Variants in KLF12 observed in about 807,000 individuals in gnomAD.
KLF12 encodes Krueppel-like factor 12.
KLF12 carries 9 observed loss-of-function variants against 37.8 expected under a neutral mutation model. The observed-to-expected ratio is 0.24, with a 90% CI of 0.14 to 0.42. The LOEUF is 0.42. Among genes scored for constraint, KLF12 ranks in the 10% least tolerant of loss-of-function variants. The pLI is 1.00. For synonymous variants in KLF12, 208 were observed against 202.1 expected (o/e 1.03, Z -0.25); for missense variants, 411 against 516.0 (o/e 0.80, Z 1.97).
chr13:74,020,846 A>T (rs1043126896), intron 1 of KLF12, among the ~76,000 whole-genome samples: 3 of 150,938 alleles, frequency 2.0e-5, no homozygotes, highest in Non-Finnish European at 4.4e-5. Context: ...AGTGAAGATC[A>T]CGCCACTGCA....
At chr13:73,866,423 G>T (rs1357061182) in intron 3 of KLF12, among the ~76,000 whole-genome samples, 2 of 152,024 alleles carry the variant, frequency 1.3e-5, no homozygotes, top group Non-Finnish European at 2.9e-5. Context: ...TACAATTCAA[G>T]AATCTGTAAA....
At chr13:74,304,917 G>A in the KLF12 span, among the ~76,000 whole-genome samples, 3 of 151,998 alleles carry the variant, frequency 2.0e-5, no homozygotes, top group East Asian at 1.9e-4. Flanking sequence ...CTGTCATTCC[G>A]CATTGCCGAG....
the KLF12 span, among the ~76,000 whole-genome samples, chr13:74,284,236 C>T: frequency 6.6e-6 from 1 of 152,048 alleles, no homozygotes; most frequent in African/African-American, 2.4e-5. Context: ...TGAGTGGACC[C>T]ACCCTTAATG....
chr13:73,774,857 A>G (rs1224638472), intron 5 of KLF12, among the ~76,000 whole-genome samples: 1 of 151,970 alleles, frequency 6.6e-6, no homozygotes, highest in Admixed American at 6.6e-5. Flanking sequence ...CATGTTTACA[A>G]ATATAAAGTA....
At chr13:73,950,442 T>C (rs1311040415) in intron 2 of KLF12, among the ~76,000 whole-genome samples, 3 of 152,230 alleles carry the variant, frequency 2.0e-5, no homozygotes, top group African/African-American at 7.2e-5. Context: ...ATAACACTTT[T>C]CACCCCAGCA....
chr13:74,056,329 T>C (rs1240411664), intron 1 of KLF12, among the ~76,000 whole-genome samples: 3 of 152,230 alleles, frequency 2.0e-5, no homozygotes, highest in Non-Finnish European at 4.4e-5. Flanking sequence ...CACTTCTTTC[T>C]AAAGCATCTG....
intron 1 of KLF12, among the ~76,000 whole-genome samples, chr13:74,022,876 GAA>G (rs200107283): frequency 1.4e-5 from 2 of 139,246 alleles, no homozygotes; most frequent in Non-Finnish European, 3.2e-5. Flanking sequence ...ATCCACTGTG[GAA>G]AAAAAAAAAA....
intron 6 of KLF12, among the ~76,000 whole-genome samples, chr13:73,749,445 G>A (rs1878593930): frequency 6.6e-6 from 1 of 151,748 alleles, no homozygotes; most frequent in Admixed American, 6.6e-5. Context: ...ATACACAAGA[G>A]ACAAAAAGCC....
At chr13:74,135,536 G>T (rs981772648), upstream of KLF12, among the ~76,000 whole-genome samples, 21 of 151,516 alleles carry the variant, frequency 1.4e-4, no homozygotes, top group African/African-American at 4.8e-4. Flanking sequence ...GGAGGGCGCG[G>T]GGTCAGCGCC....
rs187449648 is a variant in KLF12 at position 73,707,513 on chromosome 13, A to G, written c.1027+7855T>C. 4.6e-5 allele frequency among the ~76,000 whole-genome samples: 7 copies of G among 152,234 alleles called. No individual in the cohort carries two copies. In the East Asian group the frequency reaches 1.4e-3, roughly 29 times the overall value. ...CTTACAAACAACTTACGGGGAGAGG[A>G]TTTTTCCTTGAAAAATGTCAGTGTG... On this transcript the variant is annotated intron_variant, in intron 7 of 7. Coordinates refer to ENST00000377669, the MANE Select transcript of KLF12 (RefSeq NM_007249.5).
At position 73,798,132 on chromosome 13, in the gene KLF12, G is replaced by T. The variant is rs566260555; in HGVS notation, c.806+15020C>A. Among the ~76,000 whole-genome samples the T allele has an allele frequency of 2.0e-5, 3 of 152,232 alleles. No homozygotes were observed. In the East Asian group the frequency reaches 5.8e-4, roughly 29 times the overall value. On this transcript the variant is annotated intron_variant, in intron 5 of 7. Transcript: ENST00000377669. Reference sequence around the variant, plus strand: ...AACCAATGCTACATCTCTTACCAAAGAAATTATTTTTGAGCTGACAGAAAC... The same window carrying T: ...AACCAATGCTACATCTCTTACCAAATAAATTATTTTTGAGCTGACAGAAAC...
chr13:74,039,672 T>C (rs1409054108), intron 1 of KLF12, among the ~76,000 whole-genome samples: 1 of 152,242 alleles, frequency 6.6e-6, no homozygotes, highest in Non-Finnish European at 1.5e-5. Context: ...ACAGTACTTC[T>C]GGAAATAGGG....
At chr13:74,083,254 T>A (rs921894413) in intron 1 of KLF12, among the ~76,000 whole-genome samples, 1 of 152,184 alleles carries the variant, frequency 6.6e-6, no homozygotes, top group African/African-American at 2.4e-5. Context: ...GGCTCACGCC[T>A]GCAATCCCAA....
intron 2 of KLF12, among the ~76,000 whole-genome samples, chr13:73,953,979 T>C (rs1162711054): frequency 7.4e-6 from 1 of 134,526 alleles, no homozygotes; most frequent in Non-Finnish European, 1.6e-5. Flanking sequence ...TCTTTTTTTT[T>C]TTTTTTTTTT....
chr13:73,889,584 A>C (rs1887404419), intron 3 of KLF12, among the ~76,000 whole-genome samples: 1 of 152,218 alleles, frequency 6.6e-6, no homozygotes, highest in Non-Finnish European at 1.5e-5. Flanking sequence ...CTGACTGCTA[A>C]GAAAACTCAA....
At chr13:74,240,304 G>C in the KLF12 span, among the ~76,000 whole-genome samples, 1 of 134,280 alleles carries the variant, frequency 7.4e-6, no homozygotes, top group South Asian at 2.6e-4. Flanking sequence ...GGTTTCTGCC[G>C]AGAGATCCGC....
At chr13:73,747,126 T>C (rs1878426750) in intron 6 of KLF12, among the ~76,000 whole-genome samples, 1 of 152,098 alleles carries the variant, frequency 6.6e-6, no homozygotes, top group Non-Finnish European at 1.5e-5. Flanking sequence ...ATTTTCTTTC[T>C]TTCTTCCTTC....
chr13:74,129,529 C>G (rs573094283), intron 1 of KLF12, among the ~76,000 whole-genome samples: 25 of 152,242 alleles, frequency 1.6e-4, no homozygotes, highest in African/African-American at 6.0e-4. Flanking sequence ...CTAATTTATT[C>G]CACTCTCACC....
the KLF12 span, among the ~76,000 whole-genome samples, chr13:74,253,620 A>T: frequency 2.6e-5 from 4 of 152,208 alleles, no homozygotes; most frequent in African/African-American, 9.6e-5. Flanking sequence ...TTTTTCAAAG[A>T]GATTAAAACC....
Sources: allele counts gnomAD v4.1 joint callset (sites outside exome capture counted in the v4.1 genomes callset), GRCh38; gene constraint gnomAD v4.1.1; transcripts MANE v1.5; gene names NCBI Gene and HGNC (gene_info 2026-07-23, HGNC 2026-07-21).